Variants in SYNE1 observed in about 807,000 individuals in gnomAD.
SYNE1 encodes nesprin-1.
Under a neutral mutation model 1,111.0 loss-of-function variants are expected in SYNE1, and 616 were observed. The ratio of observed to expected loss-of-function variants is 0.55; its 90% CI spans 0.52 to 0.59. The LOEUF is 0.59. Among genes scored for constraint, SYNE1 ranks in the 20% least tolerant of loss-of-function variants. SYNE1 has a pLI of 0.00. For synonymous variants in SYNE1, 3,855 were observed against 3,825.8 expected, an observed-to-expected ratio of 1.01 and a Z score of -0.28; for missense variants, 10,006 against 10,417.0, an observed-to-expected ratio of 0.96 and a Z score of 1.72.
chr6:152,203,876 G>A (rs1219195280), intron 126 of SYNE1, among the ~76,000 whole-genome samples: 2 of 152,034 alleles, frequency 1.3e-5, no homozygotes, highest in Non-Finnish European at 2.9e-5. Context: ...TGTCTATCAG[G>A]GACAGAGTTG....
intron 78 of SYNE1, among the ~76,000 whole-genome samples, chr6:152,326,986 C>T (rs971443114): frequency 2.0e-5 from 3 of 152,136 alleles, no homozygotes; most frequent in Non-Finnish European, 4.4e-5. Flanking sequence ...AGTAATGTCT[C>T]CGTTGGTTAG....
chr6:152,409,529 A>C (rs1394351113), intron 43 of SYNE1, 30 bp downstream of exon 43: 1 of 1,611,754 alleles, frequency 6.2e-7, no homozygotes, highest in Non-Finnish European at 8.5e-7. Flanking sequence ...CTAAAGCAGA[A>C]TACCAACATA....
At chr6:152,277,735 C>A in intron 98 of SYNE1, 1 of 310,016 alleles carries the variant, frequency 3.2e-6, no homozygotes, top group South Asian at 3.7e-5. Flanking sequence ...CCCACTTCTC[C>A]TTATAGCTTA....
chr6:152,428,033 C>T (rs1210163691), intron 37 of SYNE1, among the ~76,000 whole-genome samples, 172 bp downstream of exon 37: 2 of 152,130 alleles, frequency 1.3e-5, no homozygotes, highest in Admixed American at 1.3e-4. Flanking sequence ...CATATATATC[C>T]TCTCCACTCT....
Position 152,331,713 on chromosome 6 carries a change from ACGTT to A in SYNE1, c.12968_12971del (p.Gln4323LeufsTer23). 6.2e-7 allele frequency: 1 copy of A among 1,614,162 alleles called. No homozygotes were observed. Among genetic ancestry groups the A allele is most frequent in the Non-Finnish European group, 8.5e-7 (1 of 1,180,032 alleles). On this transcript the variant is annotated frameshift_variant, in exon 78 of 146. Transcript: ENST00000367255. LOFTEE classifies it high-confidence loss of function. ...TAATGAGGTCCTCAAGCTGAAACCA[ACGTT>A]GCTCTAAATGACTCGTCTGTTCTTT... is the stretch of plus-strand genomic sequence containing the variant.
intron 3 of SYNE1, among the ~76,000 whole-genome samples, chr6:152,594,277 AGAGAGGAACGCT>A (rs1246995082): frequency 2.0e-5 from 3 of 152,216 alleles, no homozygotes; most frequent in Non-Finnish European, 4.4e-5. Flanking sequence ...TTGACCTGTA[AGAGAGGAACGCT>A]GAGGAGACCA....
At chr6:152,280,131 C>A (rs2093942493) in intron 97 of SYNE1, among the ~76,000 whole-genome samples, 1 of 152,102 alleles carries the variant, frequency 6.6e-6, no homozygotes, top group South Asian at 2.1e-4. Context: ...TCACGTGGTT[C>A]CAATTCTGTG....
chr6:152,331,641 C>A lies in SYNE1; in HGVS notation c.13044G>T (p.Val4348=), dbSNP rs760368801. 3 of 1,614,020 alleles carry A rather than the reference C, an allele frequency of 1.9e-6. No individual in the cohort carries two copies. The African/African-American group carries it at 4.0e-5, about 22-fold the overall frequency. The change falls in exon 78 of 146, where the codon GTG becomes GTT. Residue 4348 remains valine (V), a synonymous_variant. Coordinates refer to ENST00000367255, the MANE Select transcript of SYNE1 (RefSeq NM_182961.4). ...VSVTNLEELN[V]VQSRFQELME... Reference sequence around the variant, plus strand: ...TTAGCTCCTGAAATCTGGACTGCACCACATTTAACTCCTCCAAGTTGGTGA... The same window carrying A: ...TTAGCTCCTGAAATCTGGACTGCACAACATTTAACTCCTCCAAGTTGGTGA...
At chr6:152,173,839 G>A (rs1388419367) in intron 130 of SYNE1, among the ~76,000 whole-genome samples, 16 of 152,214 alleles carry the variant, frequency 1.1e-4, no homozygotes, top group Admixed American at 1.0e-3. Flanking sequence ...ACTATAGTGA[G>A]AAGCATGTGT....
intron 104 of SYNE1, among the ~76,000 whole-genome samples, chr6:152,250,840 T>C (rs1002719805): frequency 3.9e-5 from 6 of 152,220 alleles, no homozygotes; most frequent in Admixed American, 3.9e-4. Flanking sequence ...CATATGTGTG[T>C]ATAGTGACAT....
intron 3 of SYNE1, among the ~76,000 whole-genome samples, chr6:152,600,425 T>C (rs561292592): frequency 1.3e-5 from 2 of 152,220 alleles, no homozygotes; most frequent in Non-Finnish European, 2.9e-5. Context: ...CCTATTTTTT[T>C]AAAAAGCAAA....
intron 3 of SYNE1, among the ~76,000 whole-genome samples, chr6:152,622,121 T>C (rs1326828786): frequency 6.6e-6 from 1 of 152,152 alleles, no homozygotes; most frequent in Non-Finnish European, 1.5e-5. Flanking sequence ...CATACTTAAA[T>C]TTGAGATAAT....
At chr6:152,573,288 C>T (rs985608472) in intron 3 of SYNE1, among the ~76,000 whole-genome samples, 3 of 150,642 alleles carry the variant, frequency 2.0e-5, no homozygotes, top group Admixed American at 6.6e-5. Flanking sequence ...CCCATTAACT[C>T]GTCATTTAGC....
chr6:152,176,165 CTCTCTT>C (rs986876694), intron 130 of SYNE1, among the ~76,000 whole-genome samples: 97 of 152,260 alleles, frequency 6.4e-4, no homozygotes, highest in African/African-American at 2.3e-3. Context: ...ATGACTCTCT[CTCTCTT>C]TCTCGCAGCT....
At chr6:152,194,753 T>C (rs2073643168) in intron 127 of SYNE1, among the ~76,000 whole-genome samples, 1 of 152,130 alleles carries the variant, frequency 6.6e-6, no homozygotes, top group Non-Finnish European at 1.5e-5. Context: ...ACGAATTCTT[T>C]CCTCTGCTTG....
chr6:152,503,220 A>G (rs369574752), intron 9 of SYNE1, among the ~76,000 whole-genome samples: 23 of 152,190 alleles, frequency 1.5e-4, no homozygotes, highest in African/African-American at 5.5e-4. Context: ...CCAAATATAG[A>G]CAAGCCCCCT....
At chr6:152,447,959 T>G (rs1319839738) in intron 28 of SYNE1, among the ~76,000 whole-genome samples, 2 of 152,238 alleles carry the variant, frequency 1.3e-5, no homozygotes, top group Non-Finnish European at 2.9e-5. Context: ...ACATACACTT[T>G]GTTATCTCAC....
chr6:152,125,050 T>G (rs1432523067), intron 145 of SYNE1, among the ~76,000 whole-genome samples: 1 of 152,214 alleles, frequency 6.6e-6, no homozygotes, highest in African/African-American at 2.4e-5. Context: ...ACACAGCCAG[T>G]GGCAGAAGAT....
rs758491053 is a variant in SYNE1 at position 152,244,708 on chromosome 6, CG to C, written c.19573-53del. On this transcript the variant is annotated intron_variant, in intron 105 of 145. Coordinates refer to ENST00000367255, the MANE Select transcript of SYNE1 (RefSeq NM_182961.4). The stretch of plus-strand genomic sequence containing the variant: ...AAAACTCCCATGAACAATTTCCCCA[CG>C]GAAGATGTGATTATTGTATCTCTTT... The C allele has an allele frequency of 2.0e-5, 33 of 1,609,850 alleles. No homozygotes were observed. The African/African-American group carries it at 3.9e-4, about 19-fold the overall frequency.
Sources: gnomAD v4.1 joint callset for allele counts (sites outside exome capture counted in the v4.1 genomes callset) on GRCh38, gnomAD v4.1.1 for gene constraint, MANE v1.5 for transcripts, NCBI Gene and HGNC (gene_info 2026-07-23, HGNC 2026-07-21) for gene names.